Variants in PRKD2 observed in about 807,000 individuals in gnomAD.
PRKD2 encodes the protein protein kinase D2.
In PRKD2, 22 loss-of-function variants were observed where a neutral mutation model predicts 86.0. That is an observed-to-expected ratio of 0.26 (90% CI 0.18 to 0.37). The LOEUF is 0.37. Among genes scored for constraint, PRKD2 ranks in the 10% least tolerant of loss-of-function variants. The probability of loss-of-function intolerance (pLI) is 1.00; values close to 1 mark genes in which losing one functional copy is unlikely to be tolerated. For missense variants in PRKD2, 818 were observed against 1,199.2 expected, an observed-to-expected ratio of 0.68 and a Z score of 4.70; for synonymous variants, 509 against 510.9, an observed-to-expected ratio of 1.00 and a Z score of 0.05.
intron 7 of PRKD2, among the ~76,000 whole-genome samples, chr19:46,700,150 C>A (rs1225936347): frequency 2.0e-5 from 3 of 152,080 alleles, no homozygotes; most frequent in African/African-American, 7.2e-5. Context: ...GCAGGAGAAT[C>A]GCTTGAACCC....
Position 46,710,595 on chromosome 19 carries a change from T to C in PRKD2, c.511+312A>G, listed in dbSNP as rs1254162723. The C allele has an allele frequency of 1.5e-5, 5 of 341,054 alleles. No individual in the cohort carries two copies. In the Admixed American group the frequency reaches 2.1e-4, roughly 15 times the overall value. The allele number at this position is 341,054 out of a possible 1,614,324, so 21.1% of individuals were successfully genotyped here. On this transcript the variant is annotated intron_variant, in intron 3 of 17. Coordinates refer to ENST00000291281, the MANE Select transcript of PRKD2 (RefSeq NM_016457.5). ...GATGTTTCTCTGCTTGATCCCTAACTGATAGAGGCCCCACCCTCTTCCCCC... is the reference window on the plus strand; with the variant it reads ...GATGTTTCTCTGCTTGATCCCTAACCGATAGAGGCCCCACCCTCTTCCCCC...
In PRKD2 at chr19:46,697,870, G is replaced by T. The variant is rs997240581; in HGVS notation, c.1122-20C>A. On this transcript the variant is annotated intron_variant, in intron 7 of 17. Transcript: ENST00000291281. ...AGGGAGCTGCGAAGGAAGAGGAAGG[G>T]GTGAGAAGTCACATGCAGAAAGTGA... is the stretch of plus-strand genomic sequence containing the variant. 3.1e-6 allele frequency: 5 copies of T among 1,587,866 alleles called. No homozygotes were observed. Among genetic ancestry groups the T allele is most frequent in the Admixed American group, 1.7e-5 (1 of 59,818 alleles).
chr19:46,704,716 G>A, intron 3 of PRKD2, 67 bp from the exon 4 acceptor site: 2 of 1,524,490 alleles, frequency 1.3e-6, no homozygotes, highest in Non-Finnish European at 8.8e-7. Flanking sequence ...TTGAGAAGTT[G>A]TGCCCTTTCC....
At chr19:46,705,847 A>G (rs1253403786) in intron 3 of PRKD2, among the ~76,000 whole-genome samples, 1 of 151,816 alleles carries the variant, frequency 6.6e-6, no homozygotes, top group East Asian at 1.9e-4. Context: ...AGGCAGAAGT[A>G]TGACTTCTTA....
chr19:46,715,916 G>A (rs1341580699), intron 1 of PRKD2, among the ~76,000 whole-genome samples: 2 of 152,210 alleles, frequency 1.3e-5, no homozygotes, highest in African/African-American at 4.8e-5. Context: ...ATGAAATTTG[G>A]GGAGGCCTCT....
chr19:46,681,863 A>T, intron 14 of PRKD2, 115 bp from the exon 15 acceptor site: 1 of 593,720 alleles, frequency 1.7e-6, no homozygotes, highest in East Asian at 3.0e-5. Context: ...TTTTTGAGAC[A>T]GAGTCTCGCT....
chr19:46,692,076 A>G (rs2053491949), intron 10 of PRKD2, 91 bp from the exon 11 acceptor site: 1 of 1,302,064 alleles, frequency 7.7e-7, no homozygotes, highest in African/African-American at 1.5e-5. Context: ...GAGTCAGGCC[A>G]CCCAGATTTG....
Position 46,701,122 on chromosome 19 carries a change from C to T in PRKD2, c.890-10G>A, listed in dbSNP as rs764752837. 6.2e-7 allele frequency: 1 copy of T among 1,613,792 alleles called. No individual in the cohort carries two copies. The highest frequency in any genetic ancestry group is 1.1e-5 in the South Asian group (1 of 91,074). On this transcript the variant is annotated splice_polypyrimidine_tract_variant and intron_variant, in intron 5 of 17. Coordinates refer to ENST00000291281, the MANE Select transcript of PRKD2 (RefSeq NM_016457.5). Reference sequence around the variant, plus strand: ...CAGTTAAACTTGCAGTCTGGTAGGACAGGGAACAAGGGAACGGGTGAGAAG... The same window carrying T: ...CAGTTAAACTTGCAGTCTGGTAGGATAGGGAACAAGGGAACGGGTGAGAAG...
At chr19:46,702,868 T>C (rs1213666014) in intron 5 of PRKD2, among the ~76,000 whole-genome samples, 2 of 152,100 alleles carry the variant, frequency 1.3e-5, no homozygotes, top group African/African-American at 4.8e-5. Context: ...TTAATTTTTT[T>C]TGTAGAGACA....
chr19:46,701,910 A>C (rs1174403090), intron 5 of PRKD2, among the ~76,000 whole-genome samples: 1 of 152,080 alleles, frequency 6.6e-6, no homozygotes, highest in Non-Finnish European at 1.5e-5. Flanking sequence ...CCTAGGAGCA[A>C]AACGGCCCCT....
intron 16 of PRKD2, among the ~76,000 whole-genome samples, chr19:46,675,373 CT>C (rs1370075360): frequency 2.6e-5 from 4 of 152,194 alleles, no homozygotes; most frequent in African/African-American, 9.7e-5. Flanking sequence ...CCCCATTCCC[CT>C]ATGTCACCTT....
chr19:46,697,897 C>A, intron 7 of PRKD2, 47 bp from the exon 8 acceptor site: 1 of 1,464,438 alleles, frequency 6.8e-7, no homozygotes, highest in South Asian at 1.1e-5. Flanking sequence ...AGAAAGTGAC[C>A]ATGCTGCTTG....
At chr19:46,715,979 G>T in intron 1 of PRKD2, 152 bp downstream of exon 1, 1 of 1,278,274 alleles carries the variant, frequency 7.8e-7, no homozygotes. Context: ...GGGGAGAGGG[G>T]CAATGGAGGG....
intron 14 of PRKD2, among the ~76,000 whole-genome samples, chr19:46,684,852 A>G (rs780975756): frequency 1.6e-4 from 24 of 152,020 alleles, no homozygotes; most frequent in Non-Finnish European, 3.2e-4. Context: ...GTTCCCAGCT[A>G]CTCAGGAGGC....
At position 46,678,316 on chromosome 19, in the gene PRKD2, C is replaced by T; in HGVS notation, c.2338+80G>A. 6.5e-7 allele frequency: 1 copy of T among 1,539,526 alleles called. No individual in the cohort carries two copies. Among genetic ancestry groups the T allele is most frequent in the Non-Finnish European group, 8.7e-7 (1 of 1,144,886 alleles). On this transcript the variant is annotated intron_variant, in intron 16 of 17. Transcript: ENST00000291281. This position sits in a 1 kb window ranked among gnomAD's most constrained non-coding sequence, Gnocchi z 5.7. Reference sequence around the variant, plus strand: ...AGGTGCCAGGCTGTTTCCGGGTCCACCCCCCTCTCATGGCTCCGCCCACTT... The same window carrying T: ...AGGTGCCAGGCTGTTTCCGGGTCCATCCCCCTCTCATGGCTCCGCCCACTT...
rs147956660 is a variant in PRKD2, at chr19:46,695,414, C to T, written c.1318-1281G>A. 7.6e-3 allele frequency among the ~76,000 whole-genome samples: 1,155 copies of T among 152,308 alleles called. 5 individuals are homozygous for T. The highest frequency in any genetic ancestry group is 0.01 in the Non-Finnish European group (712 of 68,016). On this transcript the variant is annotated intron_variant, in intron 9 of 17. Transcript: ENST00000291281. ...AGAAGAATCACTTGAACCCCGGAGG[C>T]GGAGGTTGCAGTGAGCCAAGATCGC...
At chr19:46,692,275 A>G (rs571968066) in intron 10 of PRKD2, among the ~76,000 whole-genome samples, 18 of 152,228 alleles carry the variant, frequency 1.2e-4, no homozygotes, top group Middle Eastern at 6.8e-3. Context: ...ATTTTACCCC[A>G]GGATCTCAGC....
chr19:46,699,653 A>C (rs1372607656), intron 7 of PRKD2, among the ~76,000 whole-genome samples: 2 of 152,138 alleles, frequency 1.3e-5, no homozygotes, highest in Non-Finnish European at 2.9e-5. Context: ...CATTCACGCC[A>C]CACCCAGATA....
intron 9 of PRKD2, among the ~76,000 whole-genome samples, 200 bp downstream of exon 9, chr19:46,696,957 C>G (rs2053567424): frequency 6.6e-6 from 1 of 151,980 alleles, no homozygotes; most frequent in African/African-American, 2.4e-5. Context: ...GGAACCTGCC[C>G]GGAGTCCCCC....
Sources: gnomAD v4.1 joint callset for allele counts (sites outside exome capture counted in the v4.1 genomes callset) on GRCh38, gnomAD v4.1.1 for gene constraint, Gnocchi (gnomAD v3.1) non-coding constraint, MANE v1.5 for transcripts, NCBI Gene and HGNC (gene_info 2026-07-23, HGNC 2026-07-21) for gene names.